Variants in PCDHA1 observed in about 807,000 individuals in gnomAD.
The protein encoded by PCDHA1 is protocadherin alpha-1.
In PCDHA1, 42 loss-of-function variants were observed where a neutral mutation model predicts 61.3. The observed-to-expected ratio is 0.69, with a 90% CI of 0.54 to 0.89. PCDHA1 has a LOEUF of 0.89. PCDHA1 is among the 40% of genes least tolerant of loss of function. PCDHA1 has a pLI of 0.00. For missense variants in PCDHA1, 1,256 were observed against 1,235.3 expected, an observed-to-expected ratio of 1.02 and a Z score of -0.25; for synonymous variants, 610 against 553.8, an observed-to-expected ratio of 1.10 and a Z score of -1.43.
intron 1 of PCDHA1, chr5:140,811,707 T>C (rs1422423602): frequency 2.0e-5 from 3 of 152,302 alleles, no homozygotes; most frequent in African/African-American, 7.2e-5. Context: ...TGGTGTGAGA[T>C]GGTATCTCAT....
chr5:140,989,758 T>C (rs1554251084), intron 3 of PCDHA1, among the ~76,000 whole-genome samples: 1 of 152,188 alleles, frequency 6.6e-6, no homozygotes, highest in African/African-American at 2.4e-5. Flanking sequence ...GAGAAACATA[T>C]TCAGTTCAAG....
At chr5:140,821,807 C>A (rs1291478949) in intron 1 of PCDHA1, 1 of 1,613,374 alleles carries the variant, frequency 6.2e-7, no homozygotes, top group African/African-American at 1.3e-5. Flanking sequence ...AGTCTGGGAT[C>A]CCGGCTCCTG....
At chr5:140,892,563 T>G (rs1554185281) in intron 1 of PCDHA1, among the ~76,000 whole-genome samples, 2 of 152,248 alleles carry the variant, frequency 1.3e-5, no homozygotes, top group Admixed American at 6.5e-5. Context: ...CCTTGGAGAC[T>G]GTCAAAAGTA....
At chr5:140,884,345 C>T (rs782318945) in intron 1 of PCDHA1, 1 of 1,613,798 alleles carries the variant, frequency 6.2e-7, no homozygotes, top group Non-Finnish European at 8.5e-7. Flanking sequence ...AGAAGCGGCG[C>T]TGGTGGATGT....
At chr5:140,806,893 A>C (rs1763807858) in intron 1 of PCDHA1, 1 of 441,892 alleles carries the variant, frequency 2.3e-6, no homozygotes, top group Admixed American at 3.9e-5. Context: ...ATGTATTCCT[A>C]TTCTCCGAAA....
At chr5:140,889,835 C>A (rs899287696) in intron 1 of PCDHA1, among the ~76,000 whole-genome samples, 10 of 152,080 alleles carry the variant, frequency 6.6e-5, no homozygotes, top group African/African-American at 2.2e-4. Context: ...TTACAGTATG[C>A]TTTGGTCTCT....
intron 1 of PCDHA1, among the ~76,000 whole-genome samples, chr5:140,827,240 A>G (rs1263320018): frequency 3.3e-5 from 5 of 152,204 alleles, no homozygotes; most frequent in African/African-American, 9.6e-5. Context: ...ACAGGGTTGA[A>G]GTTGAGAGAG....
chr5:140,877,015 G>A, intron 1 of PCDHA1: 1 of 1,612,474 alleles, frequency 6.2e-7, no homozygotes, highest in Non-Finnish European at 8.5e-7. Context: ...CGCGGAGAGC[G>A]GCAAGGTGTA....
At chr5:140,801,665 C>A (rs781995261) in intron 1 of PCDHA1, 32 of 1,614,094 alleles carry the variant, frequency 2.0e-5, no homozygotes, top group Non-Finnish European at 2.7e-5. Flanking sequence ...CGCTAGAGGG[C>A]GCATCAGATG....
intron 1 of PCDHA1, chr5:140,968,812 T>C (rs782711806): frequency 6.2e-7 from 1 of 1,614,064 alleles, no homozygotes; most frequent in Non-Finnish European, 8.5e-7. Context: ...CTGTGGTGGA[T>C]AGGGTTTCCA....
chr5:140,803,462 G>A (rs782807269), intron 1 of PCDHA1: 32 of 1,614,132 alleles, frequency 2.0e-5, no homozygotes, highest in Non-Finnish European at 2.5e-5. Context: ...AGCAGAGGCA[G>A]CAGAGGGTGT....
At chr5:141,005,478 C>T (rs1021420332) in intron 3 of PCDHA1, among the ~76,000 whole-genome samples, 8 of 151,550 alleles carry the variant, frequency 5.3e-5, no homozygotes, top group East Asian at 3.9e-4. Context: ...CCGAGACGGG[C>T]GGATCATGAG....
At chr5:140,901,539 A>G (rs192107124) in intron 1 of PCDHA1, among the ~76,000 whole-genome samples, 2 of 152,070 alleles carry the variant, frequency 1.3e-5, no homozygotes, top group East Asian at 1.9e-4. Context: ...TTGGTTCTCT[A>G]TTCTGTTCCA....
At chr5:140,846,140 T>C (rs1780219346) in intron 1 of PCDHA1, among the ~76,000 whole-genome samples, 1 of 149,740 alleles carries the variant, frequency 6.7e-6, no homozygotes, top group Non-Finnish European at 1.5e-5. Context: ...GTTTCCCATA[T>C]TTAAAAGTTG....
At chr5:140,865,963 C>A (rs182783301) in intron 1 of PCDHA1, 23 of 152,226 alleles carry the variant, frequency 1.5e-4, no homozygotes, top group Non-Finnish European at 3.1e-4. Flanking sequence ...TAATTTTGTA[C>A]AATGTGTGAT....
At chr5:140,824,163 C>G in intron 1 of PCDHA1, 1 of 1,610,816 alleles carries the variant, frequency 6.2e-7, no homozygotes, top group South Asian at 1.1e-5. Context: ...TCTTTCCCTC[C>G]CAATTTTCAA....
chr5:140,813,491 A>G (rs1443596304), intron 1 of PCDHA1: 1 of 152,210 alleles, frequency 6.6e-6, no homozygotes, highest in African/African-American at 2.4e-5. Context: ...CTAAACATCT[A>G]AAAGGTACAG....
chr5:140,803,914 G>T (rs1280757638), intron 1 of PCDHA1: 4 of 500,200 alleles, frequency 8.0e-6, no homozygotes, highest in Admixed American at 3.8e-5. Flanking sequence ...ATCTGACTTC[G>T]ACTTGTTTTA....
chr5:140,841,061 G>T (rs1479133522), intron 1 of PCDHA1: 1 of 457,826 alleles, frequency 2.2e-6, no homozygotes, highest in Non-Finnish European at 3.8e-6. Flanking sequence ...ATTAAATTAT[G>T]ATAAAGAAAT....
Sources: allele counts gnomAD v4.1 joint callset (sites outside exome capture counted in the v4.1 genomes callset), GRCh38; gene constraint gnomAD v4.1.1; transcripts MANE v1.5; gene names NCBI Gene and HGNC (gene_info 2026-07-23, HGNC 2026-07-21).